The following NTN5 variants were observed in gnomAD, a reference collection of about 807,000 sequenced individuals.
NTN5 encodes netrin 5.
In NTN5, 42 loss-of-function variants were observed where a neutral mutation model predicts 38.7. The observed-to-expected ratio is 1.08, with a 90% confidence interval of 0.85 to 1.40. The LOEUF (loss-of-function observed/expected upper bound fraction) is 1.40. Ranked by LOEUF, NTN5 falls within the 40% of genes most tolerant of loss-of-function variation. NTN5 has a pLI of 0.00. For missense variants in NTN5, 658 were observed against 716.5 expected, an observed-to-expected ratio of 0.92 and a Z score of 0.93; for synonymous variants, 329 against 303.9, an observed-to-expected ratio of 1.08 and a Z score of -0.86.
At chr19:48,669,655 ACAC>A (rs2031858120) in intron 2 of NTN5, among the ~76,000 whole-genome samples, 2 of 12,478 alleles carry the variant, frequency 1.6e-4, no homozygotes, top group South Asian at 2.7e-3. Flanking sequence ...ACCACCACCA[ACAC>A]CACCACCATC....
intron 2 of NTN5, chr19:48,667,315 T>C: frequency 3.3e-6 from 1 of 302,512 alleles, no homozygotes; most frequent in Admixed American, 3.8e-5. Context: ...CCCTGACCTT[T>C]CTCCACTGCA....
chr19:48,665,124 G>A (rs1051128868), intron 2 of NTN5, among the ~76,000 whole-genome samples: 3 of 147,742 alleles, frequency 2.0e-5, no homozygotes, highest in East Asian at 2.0e-4. Context: ...GGGTTTCACC[G>A]TGTTAGCCAG....
At chr19:48,664,419 G>T (rs974262419) in intron 3 of NTN5, 127 bp from the exon 4 acceptor site, 5 of 1,347,892 alleles carry the variant, frequency 3.7e-6, no homozygotes, top group Non-Finnish European at 5.0e-6. Flanking sequence ...AGACCCAGGA[G>T]TCCAGGCCCC....
chr19:48,669,618 CCAT>C (rs2031854042), intron 2 of NTN5, among the ~76,000 whole-genome samples: 1 of 820 alleles, frequency 1.2e-3, no homozygotes, highest in Non-Finnish European at 2.1e-3. Context: ...ATCATCACCA[CCAT>C]CACCACCACC....
In NTN5 at chr19:48,670,690, C is replaced by A; in HGVS notation, c.297G>T (p.Gly99=). The A allele has an allele frequency of 6.2e-7, 1 of 1,610,704 alleles. No homozygotes were observed. Among genetic ancestry groups the A allele is most frequent in the Non-Finnish European group, 8.5e-7 (1 of 1,179,042 alleles). ...TGTGCCACAGCAGCCTCCAGGGACC[C>A]CCTGAGGCCCAGGCAGCAGACAGGA... ...ALILSAAWAS[G]GPWRLLWHRP... The change falls in exon 2 of 7, where the codon GGG becomes GGT. Residue 99 remains glycine, a synonymous_variant. Coordinates refer to ENST00000270235, the MANE Select transcript of NTN5 (RefSeq NM_145807.4).
intron 2 of NTN5, among the ~76,000 whole-genome samples, chr19:48,667,857 A>C (rs2031744823): frequency 6.6e-6 from 1 of 151,998 alleles, no homozygotes; most frequent in South Asian, 2.1e-4. Context: ...CTCCATCTCA[A>C]AAGAAAAAAA....
chr19:48,664,734 C>G lies in NTN5; in HGVS notation c.665G>C (p.Arg222Pro). The change falls in exon 3 of 7, where the codon CGG becomes CCG. Residue 222 changes from arginine to proline, a missense_variant. Arg to Pro is a moderately radical substitution (Grantham distance 103). Transcript: ENST00000270235. ...CAGTCTGAACAGCTCAGAGTTGAAC[C>G]GGCAGCGTCGGGCGTGCTGGTTGCA... ...CSCNQHARRC[R>P]FNSELFRLSG... 2.5e-6 allele frequency: 4 copies of G among 1,585,024 alleles called. No homozygotes were observed. The highest frequency in any genetic ancestry group is 3.4e-6 in the Non-Finnish European group (4 of 1,166,176).
At chr19:48,666,677 CTTTTTTTT>C (rs35638493) in intron 2 of NTN5, among the ~76,000 whole-genome samples, 1 of 41,162 alleles carries the variant, frequency 2.4e-5, no homozygotes, top group African/African-American at 1.1e-4. Flanking sequence ...ACAGACCACT[CTTTTTTTT>C]TTTTTTTTTT....
At chr19:48,664,030 C>A in intron 4 of NTN5, 113 bp downstream of exon 4, 1 of 1,362,934 alleles carries the variant, frequency 7.3e-7, no homozygotes, top group Admixed American at 2.4e-5. Flanking sequence ...CAGCCTCCAG[C>A]CTTGGGCTCC....
chr19:48,665,685 G>A (rs8111874), intron 2 of NTN5, among the ~76,000 whole-genome samples: 48,514 of 151,760 alleles, frequency 0.32, 9,428 homozygotes, highest in Middle Eastern at 0.53. Flanking sequence ...TGGGCGTGGT[G>A]GCACGCGCCT....
intron 2 of NTN5, among the ~76,000 whole-genome samples, chr19:48,669,052 T>C (rs1387565185): frequency 2.4e-4 from 26 of 108,584 alleles, no homozygotes; most frequent in African/African-American, 3.7e-4. Flanking sequence ...ACCACCACCA[T>C]CACCATCACC....
intron 2 of NTN5, among the ~76,000 whole-genome samples, chr19:48,669,676 T>TCAC (rs1568452402): frequency 6.4e-5 from 5 of 78,032 alleles, no homozygotes; most frequent in Admixed American, 6.2e-4. Context: ...ATCACCATCA[T>TCAC]CACCACCATC....
Position 48,670,368 on chromosome 19 carries a change from G to A in NTN5, c.619C>T (p.His207Tyr). ...PWRPATPRHP[H>Y]PCLPCSCNQH... ...GCGCAGGACTCACGTAGGCAAGGGTGGGGGTGCCGGGGCGTGGCAGGCCGC... is the reference window on the plus strand; with the variant it reads ...GCGCAGGACTCACGTAGGCAAGGGTAGGGGTGCCGGGGCGTGGCAGGCCGC... The change falls in exon 2 of 7, where the codon CAC becomes TAC. Residue 207 changes from histidine (H) to tyrosine (Y), a missense_variant. By Grantham distance (83) the His-to-Tyr change is moderately conservative (BLOSUM62 2). Coordinates refer to ENST00000270235, the MANE Select transcript of NTN5 (RefSeq NM_145807.4). 2 of 1,413,806 alleles carry A rather than the reference G, an allele frequency of 1.4e-6. No individual in the cohort carries two copies. Among genetic ancestry groups the A allele is most frequent in the Non-Finnish European group, 1.8e-6 (2 of 1,084,972 alleles). 87.6% of individuals were successfully genotyped at this position (1,413,806 alleles called of 1,614,324 possible). A position where few individuals can be genotyped will look rare whatever the true frequency, so the allele number is the denominator to read the frequency against.
rs543436971 is a variant in NTN5, at chr19:48,670,454, C to T, written c.533G>A (p.Arg178His). ...ARARPPRCHC[R>H]HHTTGPGCES... ...GCACCCCGGGCCAGTGGTATGGTGG[C>T]GGCAGTGGCAGCGGGGGGGCCGGGC... The change falls in exon 2 of 7, where the codon CGC becomes CAC. Residue 178 changes from arginine (R) to histidine (H), a missense_variant. Coordinates refer to ENST00000270235, the MANE Select transcript of NTN5 (RefSeq NM_145807.4). The T allele has an allele frequency of 2.8e-5, 41 of 1,476,796 alleles. No individual in the cohort carries two copies. The African/African-American group carries it at 3.0e-4, about 11-fold the overall frequency. 91.5% of individuals were successfully genotyped at this position (1,476,796 alleles called of 1,614,324 possible). A position where few individuals can be genotyped will look rare whatever the true frequency, so the allele number is the denominator to read the frequency against.
At chr19:48,672,430 G>C (rs764033439) in intron 1 of NTN5, among the ~76,000 whole-genome samples, 12 of 152,096 alleles carry the variant, frequency 7.9e-5, no homozygotes, top group African/African-American at 2.9e-4. Context: ...GCACCCTGGC[G>C]GTTGAGGTGG....
intron 4 of NTN5, 110 bp from the exon 5 acceptor site, chr19:48,663,924 C>T: frequency 8.2e-7 from 1 of 1,223,144 alleles, no homozygotes; most frequent in South Asian, 1.3e-5. Flanking sequence ...TCCTTTAGGA[C>T]TCAAGAGTGC....
intron 2 of NTN5, chr19:48,667,447 C>A: frequency 2.7e-6 from 1 of 372,484 alleles, no homozygotes; most frequent in Non-Finnish European, 5.5e-6. Context: ...ATGAAGGCTG[C>A]CTCATCCTCA....
Position 48,661,568 on chromosome 19 carries a change from C to A in NTN5, c.*109G>T. On this transcript the variant is annotated 3_prime_UTR_variant, in exon 7 of 7. Transcript: ENST00000270235. ...GGGCGCAAGCATAGTGTCGTCGGGGCTCTGCGACGTCTGATTGGCTCTCTG... is the reference window on the plus strand; with the variant it reads ...GGGCGCAAGCATAGTGTCGTCGGGGATCTGCGACGTCTGATTGGCTCTCTG... 1 of 1,263,434 alleles carries A rather than the reference C, an allele frequency of 7.9e-7. No homozygotes were observed. Among genetic ancestry groups the A allele is most frequent in the Non-Finnish European group, 1.0e-6 (1 of 982,958 alleles). The allele number at this position is 1,263,434 out of a possible 1,614,324, so 78.3% of individuals were successfully genotyped here.
At chr19:48,669,562 C>T (rs1482305058) in intron 2 of NTN5, among the ~76,000 whole-genome samples, 1 of 25,210 alleles carries the variant, frequency 4.0e-5, no homozygotes. Context: ...CCATCACCAC[C>T]ACCATCACCA....
Sources: gnomAD v4.1 joint callset for allele counts (sites outside exome capture counted in the v4.1 genomes callset) on GRCh38, gnomAD v4.1.1 for gene constraint, MANE v1.5 for transcripts, NCBI Gene and HGNC (gene_info 2026-07-23, HGNC 2026-07-21) for gene names.